The following NARS2 variants were observed in gnomAD, a reference collection of about 807,000 sequenced individuals.
The protein encoded by NARS2 is asparaginyl-tRNA synthetase 2, mitochondrial, also known as asparaginyl-tRNA synthetase.
In NARS2, 60 loss-of-function variants were observed where a neutral mutation model predicts 62.9. The ratio of observed to expected loss-of-function variants is 0.95; its 90% CI spans 0.77 to 1.18. The LOEUF is 1.18. Ranked by LOEUF, NARS2 falls within the 50% of genes most tolerant of loss-of-function variation. NARS2 has a pLI of 0.00. For synonymous variants in NARS2, 196 were observed against 200.0 expected (o/e 0.98, Z 0.17); for missense variants, 619 against 576.4 (o/e 1.07, Z -0.76).
chr11:78,470,315 A>T (rs775539755), intron 9 of NARS2, among the ~76,000 whole-genome samples: 3 of 152,092 alleles, frequency 2.0e-5, no homozygotes, highest in African/African-American at 4.8e-5. Context: ...ACATAGTTTT[A>T]AAAAAAATCA....
At chr11:78,505,699 T>C (rs1264524203) in intron 6 of NARS2, among the ~76,000 whole-genome samples, 9 of 152,192 alleles carry the variant, frequency 5.9e-5, no homozygotes, top group African/African-American at 2.2e-4. Context: ...AAATCAGGTA[T>C]GGCCTGTACC....
chr11:78,502,450 T>C lies in NARS2; in HGVS notation c.690-9255A>G, dbSNP rs369808336. 2.3e-4 allele frequency among the ~76,000 whole-genome samples: 35 copies of C among 152,332 alleles called. No homozygotes were observed. The South Asian group carries it at 6.8e-3, about 30-fold the overall frequency. The stretch of plus-strand genomic sequence containing the variant: ...ACTGGATTATGGTTCTACCCTTATG[T>C]CCTCATATAACTTTACTTTTTAACA... On this transcript the variant is annotated intron_variant, in intron 6 of 13. Coordinates refer to ENST00000281038, the MANE Select transcript of NARS2 (RefSeq NM_024678.6).
chr11:78,526,600 T>C (rs2135422844), intron 6 of NARS2, among the ~76,000 whole-genome samples: 2 of 152,298 alleles, frequency 1.3e-5, no homozygotes, highest in South Asian at 4.1e-4. Context: ...TGAATGACAG[T>C]AGTACAAATA....
chr11:78,436,477 T>A lies in NARS2; in HGVS notation c.*193A>T, dbSNP rs138637786. 1.3e-4 allele frequency: 85 copies of A among 638,766 alleles called. No homozygotes were observed. In the Middle Eastern group the frequency reaches 2.3e-3, roughly 17 times the overall value. The allele number at this position is 638,766 out of a possible 1,614,324, so 39.6% of individuals were successfully genotyped here. On this transcript the variant is annotated 3_prime_UTR_variant, in exon 14 of 14. Transcript: ENST00000281038. ...TATAAGTACCTCTTCTTGCGGGAGCTCATCCTTACGTGAAATACCCTCAAC... is the reference window on the plus strand; with the variant it reads ...TATAAGTACCTCTTCTTGCGGGAGCACATCCTTACGTGAAATACCCTCAAC...
chr11:78,560,337 C>A (rs910957671), intron 4 of NARS2, among the ~76,000 whole-genome samples: 2 of 152,192 alleles, frequency 1.3e-5, no homozygotes, highest in Non-Finnish European at 2.9e-5. Flanking sequence ...CTCTTCCGAA[C>A]AAAAGTCTGA....
chr11:78,543,750 C>G (rs946639836), intron 5 of NARS2, among the ~76,000 whole-genome samples: 1 of 152,050 alleles, frequency 6.6e-6, no homozygotes, highest in East Asian at 1.9e-4. Flanking sequence ...ATCCAGAATC[C>G]GGCCAGGCAG....
At position 78,458,826 on chromosome 11, in the gene NARS2, T is replaced by C. The variant is rs149525005; in HGVS notation, c.1164+7050A>G. On this transcript the variant is annotated intron_variant, in intron 11 of 13. Transcript: ENST00000281038. ...ATTGTACTTCCATAATTCCCACTTG[T>C]TGTGGGAGATAACTGAATCATGGGG... Among the ~76,000 whole-genome samples, 160 of 152,294 alleles carry C rather than the reference T, an allele frequency of 1.1e-3. 2 individuals carry two copies. The East Asian group carries it at 0.023, about 22-fold the overall frequency.
intron 5 of NARS2, among the ~76,000 whole-genome samples, chr11:78,553,727 C>T (rs1217786698): frequency 1.3e-5 from 2 of 152,184 alleles, no homozygotes; most frequent in African/African-American, 4.8e-5. Context: ...CTGACAGTTT[C>T]TTTTGCTATG....
At chr11:78,481,818 AAG>A (rs1859368222) in intron 7 of NARS2, among the ~76,000 whole-genome samples, 1 of 152,194 alleles carries the variant, frequency 6.6e-6, no homozygotes, top group South Asian at 2.1e-4. Flanking sequence ...TAATTTGTAA[AAG>A]GAAGAAAATT....
intron 5 of NARS2, among the ~76,000 whole-genome samples, chr11:78,551,390 CAT>C (rs1329654371): frequency 1.3e-5 from 2 of 152,128 alleles, no homozygotes; most frequent in Non-Finnish European, 2.9e-5. Flanking sequence ...TGTATGTAAA[CAT>C]ATCTAAATAT....
At chr11:78,543,892 G>A (rs927738284) in intron 5 of NARS2, among the ~76,000 whole-genome samples, 8 of 151,976 alleles carry the variant, frequency 5.3e-5, no homozygotes, top group Admixed American at 1.3e-4. Context: ...TTAGCTGGGC[G>A]TGGTGGCGCG....
intron 6 of NARS2, among the ~76,000 whole-genome samples, chr11:78,494,056 G>T (rs887636572): frequency 6.6e-6 from 1 of 152,212 alleles, no homozygotes; most frequent in African/African-American, 2.4e-5. Context: ...AATCAATGGT[G>T]AATGACCCCT....
intron 11 of NARS2, among the ~76,000 whole-genome samples, chr11:78,447,916 A>G (rs1857820011): frequency 6.6e-6 from 1 of 152,174 alleles, no homozygotes; most frequent in Non-Finnish European, 1.5e-5. Flanking sequence ...AATGGGAGAC[A>G]GGGGAATGAG....
At position 78,491,358 on chromosome 11, in the gene NARS2, A is replaced by G. The variant is rs116904578; in HGVS notation, c.822+1705T>C. ...AATGCTCAGCGGGAAGTGTAAAGGGAGCATGGAAGTGAAATGCTATATTGT... is the reference window on the plus strand; with the variant it reads ...AATGCTCAGCGGGAAGTGTAAAGGGGGCATGGAAGTGAAATGCTATATTGT... On this transcript the variant is annotated intron_variant, in intron 7 of 13. Transcript: ENST00000281038. Among the ~76,000 whole-genome samples the G allele has an allele frequency of 7.2e-4, 108 of 150,326 alleles. 1 individual carries two copies. The East Asian group carries it at 0.02, about 28-fold the overall frequency.
intron 6 of NARS2, among the ~76,000 whole-genome samples, chr11:78,508,434 C>G (rs1340534018): frequency 1.3e-5 from 2 of 151,828 alleles, no homozygotes; most frequent in Non-Finnish European, 2.9e-5. Flanking sequence ...ACCAAAGATA[C>G]AAAAATTAGC....
rs576901095 is a variant in NARS2, at chr11:78,442,329, G to A, written c.1263-1212C>T. ...ATGCTGTAATAGTAGTAAGGAGTTA[G>A]TCGTCTAACGAATACAGTCTTCCTC... On this transcript the variant is annotated intron_variant, in intron 12 of 13. Coordinates refer to ENST00000281038, the MANE Select transcript of NARS2 (RefSeq NM_024678.6). Among the ~76,000 whole-genome samples the A allele has an allele frequency of 7.2e-5, 11 of 152,318 alleles. No individual in the cohort carries two copies. The South Asian group carries it at 2.3e-3, about 32-fold the overall frequency.
At chr11:78,535,153 C>A (rs1291622900) in intron 5 of NARS2, among the ~76,000 whole-genome samples, 1 of 152,176 alleles carries the variant, frequency 6.6e-6, no homozygotes, top group Non-Finnish European at 1.5e-5. Context: ...AAATAAACTG[C>A]AGAATTTTTT....
At chr11:78,474,911 C>CTT (rs375232248) in intron 9 of NARS2, among the ~76,000 whole-genome samples, 2 of 149,044 alleles carry the variant, frequency 1.3e-5, no homozygotes, top group African/African-American at 4.9e-5. Flanking sequence ...ACATGCTTCA[C>CTT]TTTTTTTTTT....
At chr11:78,508,662 G>T (rs567966974) in intron 6 of NARS2, among the ~76,000 whole-genome samples, 1 of 150,324 alleles carries the variant, frequency 6.7e-6, no homozygotes, top group African/African-American at 2.5e-5. Context: ...TCTGATGAAA[G>T]ATATGAATGT....
Sources: allele counts gnomAD v4.1 joint callset (sites outside exome capture counted in the v4.1 genomes callset), GRCh38; gene constraint gnomAD v4.1.1; transcripts MANE v1.5; gene names NCBI Gene and HGNC (gene_info 2026-07-23, HGNC 2026-07-21).